The following BCAS3 variants were observed in gnomAD, a reference collection of about 807,000 sequenced individuals.
BCAS3 encodes BCAS3 microtubule associated cell migration factor.
BCAS3 carries 53 observed loss-of-function variants against 116.1 expected under a neutral mutation model. The observed-to-expected ratio is 0.46, with a 90% CI of 0.37 to 0.57. The LOEUF (loss-of-function observed/expected upper bound fraction) is 0.57, where lower values mean the gene tolerates loss of function less well. BCAS3 is among the 20% of genes least tolerant of loss of function. BCAS3 has a pLI of 0.00. For synonymous variants in BCAS3, 391 were observed against 408.2 expected, an observed-to-expected ratio of 0.96 and a Z score of 0.51; for missense variants, 917 against 1,165.4, an observed-to-expected ratio of 0.79 and a Z score of 3.10.
chr17:61,055,754 C>T (rs953351645), intron 19 of BCAS3, among the ~76,000 whole-genome samples: 1 of 152,114 alleles, frequency 6.6e-6, no homozygotes, highest in Non-Finnish European at 1.5e-5. Flanking sequence ...CAAGGGGATC[C>T]TAATGTCTGG....
chr17:61,042,418 A>G lies in BCAS3; in HGVS notation c.2029+1526A>G, dbSNP rs372277725. ...CTCTTAATTGTTTTTTGTTCCAGTG[A>G]TTGACCTTATTGACATTACACTCTG... On this transcript the variant is annotated intron_variant, in intron 19 of 23. Transcript: ENST00000407086. Among the ~76,000 whole-genome samples the G allele has an allele frequency of 2.6e-5, 4 of 151,930 alleles. No homozygotes were observed. The East Asian group carries it at 7.7e-4, about 29-fold the overall frequency.
At chr17:61,280,423 T>A (rs2051141779) in intron 22 of BCAS3, among the ~76,000 whole-genome samples, 1 of 151,922 alleles carries the variant, frequency 6.6e-6, no homozygotes, top group Admixed American at 6.6e-5. Context: ...CTTGGGGAGG[T>A]CATCAGATTT....
intron 12 of BCAS3, among the ~76,000 whole-genome samples, chr17:60,911,381 C>T (rs1489179730): frequency 1.3e-5 from 2 of 152,164 alleles, no homozygotes; most frequent in Non-Finnish European, 2.9e-5. Context: ...TCACTGAAAC[C>T]TCCACCTCCT....
chr17:60,949,589 A>G (rs1322153793), intron 14 of BCAS3, among the ~76,000 whole-genome samples: 3 of 152,086 alleles, frequency 2.0e-5, no homozygotes, highest in Non-Finnish European at 2.9e-5. Flanking sequence ...CTTAATTTTT[A>G]TGGGTACATA....
At chr17:61,016,091 C>CCT (rs1234311030) in intron 16 of BCAS3, among the ~76,000 whole-genome samples, 190 bp downstream of exon 16, 3 of 152,192 alleles carry the variant, frequency 2.0e-5, no homozygotes, top group African/African-American at 7.2e-5. Context: ...ACCATGTATA[C>CCT]ACACATTCAT....
intron 22 of BCAS3, among the ~76,000 whole-genome samples, chr17:61,358,992 CCTA>C (rs2058306062): frequency 6.6e-6 from 1 of 152,158 alleles, no homozygotes; most frequent in Non-Finnish European, 1.5e-5. Flanking sequence ...GGTTGCTTCT[CCTA>C]CTCTCCTGTG....
chr17:61,241,141 G>C lies in BCAS3; in HGVS notation c.2426-127186G>C, dbSNP rs536669280. On this transcript the variant is annotated intron_variant, in intron 22 of 23. Transcript: ENST00000407086. The surrounding 1 kb of genome is among the most constrained non-coding windows in gnomAD (Gnocchi z 4.6). ...TTCTTTGGGGGACCCTCATATAGTG[G>C]GCACACTGAATATGTGGATTTAATA... Among the ~76,000 whole-genome samples, 3 of 152,220 alleles carry C rather than the reference G, an allele frequency of 2.0e-5. No individual in the cohort carries two copies. In the East Asian group the frequency reaches 5.8e-4, roughly 29 times the overall value.
chr17:61,078,650 G>T, intron 21 of BCAS3, 121 bp downstream of exon 21: 1 of 789,720 alleles, frequency 1.3e-6, no homozygotes, highest in South Asian at 1.8e-5. Context: ...CAGACTACAT[G>T]TACTGTTGCA....
intron 2 of BCAS3, 141 bp from the exon 3 acceptor site, chr17:60,683,841 C>T: frequency 5.4e-6 from 4 of 747,658 alleles, no homozygotes; most frequent in Non-Finnish European, 8.6e-6. Flanking sequence ...CAAAACAAAA[C>T]AAAACAAAAC....
chr17:61,388,639 A>C lies in BCAS3; in HGVS notation c.2594-3338A>C. 2 of 1,537,672 alleles carry C rather than the reference A, an allele frequency of 1.3e-6. No individual in the cohort carries two copies. Among genetic ancestry groups the C allele is most frequent in the East Asian group, 2.4e-5 (1 of 41,094 alleles). Reference sequence around the variant, plus strand: ...AAAGGGAAAAAAAAAGGAAAAAAAAAACAATGCCAACAGCCCAGCGTCCGT... The same window carrying C: ...AAAGGGAAAAAAAAAGGAAAAAAAACACAATGCCAACAGCCCAGCGTCCGT... On this transcript the variant is annotated intron_variant, in intron 23 of 23. Transcript: ENST00000407086. The surrounding 1 kb of genome is among the most constrained non-coding windows in gnomAD (Gnocchi z 6.5).
chr17:60,711,149 A>AT (rs200247197), intron 5 of BCAS3, among the ~76,000 whole-genome samples: 9,283 of 141,864 alleles, frequency 0.065, 387 homozygotes, highest in South Asian at 0.095. Flanking sequence ...AAGATGTGGG[A>AT]TTTTTTTTTT....
chr17:61,237,685 G>A lies in BCAS3; in HGVS notation c.2426-130642G>A, dbSNP rs998804926. ...GACACTGAATACTCAAAATAATTCT[G>A]GAAGAAAATAGAGACTCAGAGAAAC... On this transcript the variant is annotated intron_variant, in intron 22 of 23. Coordinates refer to ENST00000407086, the MANE Select transcript of BCAS3 (RefSeq NM_017679.5). Among the ~76,000 whole-genome samples, 6 of 152,178 alleles carry A rather than the reference G, an allele frequency of 3.9e-5. No homozygotes were observed. In the East Asian group the frequency reaches 5.8e-4, roughly 15 times the overall value.
At chr17:61,360,464 T>G (rs1423041213) in intron 22 of BCAS3, among the ~76,000 whole-genome samples, 2 of 152,200 alleles carry the variant, frequency 1.3e-5, no homozygotes, top group Non-Finnish European at 2.9e-5. Flanking sequence ...ACAGATGTAT[T>G]CTCTTGTATT....
intron 22 of BCAS3, among the ~76,000 whole-genome samples, chr17:61,292,593 A>T (rs2052532876): frequency 6.6e-6 from 1 of 152,160 alleles, no homozygotes; most frequent in Admixed American, 6.5e-5. Flanking sequence ...CAGAGGTTGC[A>T]GTGAGCCGAG....
Position 61,261,192 on chromosome 17 carries a change from A to G in BCAS3, c.2426-107135A>G, listed in dbSNP as rs1207252835. 2.0e-5 allele frequency among the ~76,000 whole-genome samples: 3 copies of G among 152,140 alleles called. No individual in the cohort carries two copies. Among genetic ancestry groups the G allele is most frequent in the Non-Finnish European group, 4.4e-5 (3 of 68,004 alleles). Reference sequence around the variant, plus strand: ...AAAAGGGCCAACCCATTAGGGAAGTACCTCCCTGGGGAGCGGGTGGACAGG... The same window carrying G: ...AAAAGGGCCAACCCATTAGGGAAGTGCCTCCCTGGGGAGCGGGTGGACAGG... On this transcript the variant is annotated intron_variant, in intron 22 of 23. Transcript: ENST00000407086. This position sits in a 1 kb window ranked among gnomAD's most constrained non-coding sequence, Gnocchi z 4.4.
In BCAS3 at chr17:61,104,956, A is replaced by G. The variant is rs2074548590; in HGVS notation, c.2425+20392A>G. ...TTTAATAAAACTAGGAATAGCTGAG[A>G]GTAGGAAAACTCATGAGGCTTTTTC... On this transcript the variant is annotated intron_variant, in intron 22 of 23. Transcript: ENST00000407086. This position sits in a 1 kb window ranked among gnomAD's most constrained non-coding sequence, Gnocchi z 4.1. 2.0e-5 allele frequency among the ~76,000 whole-genome samples: 3 copies of G among 152,212 alleles called. No individual in the cohort carries two copies. In the South Asian group the frequency reaches 6.2e-4, roughly 32 times the overall value.
intron 5 of BCAS3, chr17:60,727,104 G>A (rs904921184): frequency 2.4e-6 from 1 of 416,560 alleles, no homozygotes; most frequent in Admixed American, 3.3e-5. Flanking sequence ...TTTTCTCTCA[G>A]GTAATTTTTC....
At chr17:60,924,122 AT>A (rs1303419755) in intron 12 of BCAS3, among the ~76,000 whole-genome samples, 3 of 151,922 alleles carry the variant, frequency 2.0e-5, no homozygotes, top group Non-Finnish European at 2.9e-5. Context: ...TGATTGTATC[AT>A]TTTTTTTCCT....
intron 22 of BCAS3, among the ~76,000 whole-genome samples, chr17:61,133,833 C>A (rs1412013073): frequency 3.1e-4 from 35 of 111,714 alleles, no homozygotes; most frequent in African/African-American, 1.2e-3. Context: ...CTGTGACTTT[C>A]ATTGGCCTGC....
Sources: allele counts gnomAD v4.1 joint callset (sites outside exome capture counted in the v4.1 genomes callset), GRCh38; gene constraint gnomAD v4.1.1; non-coding constraint Gnocchi (gnomAD v3.1); transcripts MANE v1.5; gene names NCBI Gene and HGNC (gene_info 2026-07-23, HGNC 2026-07-21).